Variants in GNAL observed in about 807,000 individuals in gnomAD.
The protein encoded by GNAL is guanine nucleotide-binding protein G(olf) subunit alpha.
GNAL carries 18 observed loss-of-function variants against 55.1 expected under a neutral mutation model. That is an observed-to-expected ratio of 0.33 (90% CI 0.23 to 0.48). GNAL has a LOEUF of 0.48. GNAL is among the 20% of genes least tolerant of loss of function. The pLI is 0.99. For missense variants in GNAL, 412 were observed against 614.1 expected (o/e 0.67, Z 3.48); for synonymous variants, 253 against 237.0 (o/e 1.07, Z -0.62).
At chr18:11,750,292 A>G (rs976225076) in intron 1 of GNAL, among the ~76,000 whole-genome samples, 1 of 152,166 alleles carries the variant, frequency 6.6e-6, no homozygotes, top group Non-Finnish European at 1.5e-5. Flanking sequence ...GCATGAGCTC[A>G]ATCCTTGGCA....
chr18:11,759,606 G>A (rs1055099661), intron 4 of GNAL, among the ~76,000 whole-genome samples: 1 of 152,252 alleles, frequency 6.6e-6, no homozygotes, highest in African/African-American at 2.4e-5. Context: ...GGAGGCCACA[G>A]TGGCCTGGGC....
At chr18:11,781,026 T>G (rs1397423135) in intron 4 of GNAL, among the ~76,000 whole-genome samples, 1 of 152,244 alleles carries the variant, frequency 6.6e-6, no homozygotes. Flanking sequence ...GAGCCTTGAC[T>G]ACAGGATTGA....
At chr18:11,748,586 A>G (rs2032743192) in intron 1 of GNAL, among the ~76,000 whole-genome samples, 1 of 152,184 alleles carries the variant, frequency 6.6e-6, no homozygotes, top group African/African-American at 2.4e-5. Context: ...TTTATCTTTA[A>G]CACTGATTGC....
At chr18:11,776,550 A>G (rs1245255773) in intron 4 of GNAL, among the ~76,000 whole-genome samples, 1 of 151,944 alleles carries the variant, frequency 6.6e-6, no homozygotes, top group African/African-American at 2.4e-5. Context: ...CTACAAAAAA[A>G]TTTTAAAATT....
At chr18:11,694,665 G>A (rs1368925752) in intron 1 of GNAL, among the ~76,000 whole-genome samples, 2 of 152,212 alleles carry the variant, frequency 1.3e-5, no homozygotes, top group South Asian at 4.1e-4. Context: ...GGGTGCGGAG[G>A]GTAGGTAATG....
chr18:11,695,395 G>A (rs2031376789), intron 1 of GNAL, among the ~76,000 whole-genome samples: 1 of 152,182 alleles, frequency 6.6e-6, no homozygotes, highest in Admixed American at 6.5e-5. Flanking sequence ...GAGACCATTG[G>A]CAGAGGCCCT....
At chr18:11,867,797 A>G (rs1375102458) in intron 8 of GNAL, among the ~76,000 whole-genome samples, 1 of 149,628 alleles carries the variant, frequency 6.7e-6, no homozygotes, top group South Asian at 2.1e-4. Flanking sequence ...GGCCTGGGCA[A>G]AAGAGCGAGA....
intron 4 of GNAL, among the ~76,000 whole-genome samples, chr18:11,807,359 A>G (rs760505059): frequency 6.2e-4 from 95 of 152,284 alleles, no homozygotes; most frequent in Non-Finnish European, 6.2e-4. Context: ...AACAGACCAG[A>G]TAGGAGGCTG....
chr18:11,862,585 C>G (rs2036171904), intron 6 of GNAL, 136 bp downstream of exon 6: 2 of 697,260 alleles, frequency 2.9e-6, no homozygotes, highest in East Asian at 2.7e-5. Flanking sequence ...TTGTACTGCC[C>G]TGTGTGTGTG....
intron 1 of GNAL, among the ~76,000 whole-genome samples, chr18:11,692,388 A>G (rs1317636509): frequency 6.6e-6 from 1 of 152,154 alleles, no homozygotes; most frequent in Non-Finnish European, 1.5e-5. Flanking sequence ...AACAGTAAAC[A>G]CTCAGGTTAT....
At chr18:11,843,384 G>C (rs1042373138) in intron 5 of GNAL, among the ~76,000 whole-genome samples, 1 of 152,114 alleles carries the variant, frequency 6.6e-6, no homozygotes, top group African/African-American at 2.4e-5. Flanking sequence ...AATTAGCGGA[G>C]AGTGGTGGTG....
At chr18:11,728,611 G>A (rs2143432024) in intron 1 of GNAL, among the ~76,000 whole-genome samples, 1 of 152,192 alleles carries the variant, frequency 6.6e-6, no homozygotes, top group East Asian at 1.9e-4. Flanking sequence ...AAACCTCAAA[G>A]TTTCTTTTTA....
intron 5 of GNAL, among the ~76,000 whole-genome samples, chr18:11,832,466 G>C (rs1456502642): frequency 6.6e-6 from 1 of 152,206 alleles, no homozygotes; most frequent in Non-Finnish European, 1.5e-5. Context: ...TCCTATGGCT[G>C]TCAAGTCCTG....
chr18:11,851,797 G>A, intron 5 of GNAL: 6 of 1,613,974 alleles, frequency 3.7e-6, no homozygotes, highest in Non-Finnish European at 5.1e-6. Context: ...GGCTGGTGTG[G>A]TTAAGTCGAT....
intron 4 of GNAL, among the ~76,000 whole-genome samples, chr18:11,796,593 A>AC (rs1334951023): frequency 1.3e-5 from 2 of 150,302 alleles, no homozygotes; most frequent in East Asian, 1.9e-4. Context: ...AAAAAAAAAA[A>AC]AACAAAACAC....
At chr18:11,734,665 G>C (rs1052630086) in intron 1 of GNAL, among the ~76,000 whole-genome samples, 14 of 151,352 alleles carry the variant, frequency 9.2e-5, no homozygotes, top group Non-Finnish European at 5.9e-5. Flanking sequence ...CAACAGGTGA[G>C]GTTTTAGGTT....
chr18:11,718,740 A>G (rs983527990), intron 1 of GNAL, among the ~76,000 whole-genome samples: 4 of 152,146 alleles, frequency 2.6e-5, no homozygotes, highest in Admixed American at 6.5e-5. Flanking sequence ...GCCCTAATAA[A>G]CCAGTTCTAA....
chr18:11,770,575 T>C (rs949826507), intron 4 of GNAL, among the ~76,000 whole-genome samples: 16 of 152,170 alleles, frequency 1.1e-4, no homozygotes, highest in Admixed American at 5.9e-4. Flanking sequence ...TGAGTTTTCA[T>C]TTTTATTAAA....
At chr18:11,800,110 A>G (rs2034484950) in intron 4 of GNAL, among the ~76,000 whole-genome samples, 1 of 152,220 alleles carries the variant, frequency 6.6e-6, no homozygotes. Context: ...ACAACCTTCA[A>G]CAATGAACAA....
Sources: gnomAD v4.1 joint callset for allele counts (sites outside exome capture counted in the v4.1 genomes callset) on GRCh38, gnomAD v4.1.1 for gene constraint, MANE v1.5 for transcripts, NCBI Gene and HGNC (gene_info 2026-07-23, HGNC 2026-07-21) for gene names.